Variants in WWOX observed in about 807,000 individuals in gnomAD.
WWOX encodes WW domain-containing oxidoreductase.
In WWOX, 69 loss-of-function variants were observed where a neutral mutation model predicts 46.2. The ratio of observed to expected loss-of-function variants is 1.49; its 90% CI spans 1.23 to 1.82. WWOX has a LOEUF of 1.82. Among genes scored for constraint, WWOX ranks in the 40% most tolerant of loss-of-function variants. The pLI is 0.00. For missense variants in WWOX, 919 were observed against 542.6 expected (o/e 1.69, Z -6.89); for synonymous variants, 359 against 202.6 (o/e 1.77, Z -6.56).
At chr16:78,975,138 G>T (rs1043268997) in intron 8 of WWOX, among the ~76,000 whole-genome samples, 1 of 152,172 alleles carries the variant, frequency 6.6e-6, no homozygotes, top group African/African-American at 2.4e-5. Context: ...AGATACTCCA[G>T]TCCTTAAAAA....
intron 8 of WWOX, among the ~76,000 whole-genome samples, chr16:78,642,020 C>G (rs571500120): frequency 6.6e-5 from 10 of 152,178 alleles, no homozygotes; most frequent in Admixed American, 1.3e-4. Context: ...AGAAGAAAAA[C>G]AGCAACGAGT....
At chr16:78,612,262 G>C (rs117567364) in intron 8 of WWOX, among the ~76,000 whole-genome samples, 3 of 152,194 alleles carry the variant, frequency 2.0e-5, no homozygotes, top group African/African-American at 7.2e-5. Flanking sequence ...TTGAAGGTTT[G>C]TGAAGGATGG....
intron 5 of WWOX, among the ~76,000 whole-genome samples, chr16:78,319,498 G>C (rs542159943): frequency 6.6e-6 from 1 of 152,014 alleles, no homozygotes; most frequent in Non-Finnish European, 1.5e-5. Flanking sequence ...CTGGGCTCAA[G>C]CGGTCCTCCC....
intron 8 of WWOX, among the ~76,000 whole-genome samples, chr16:78,563,556 A>G (rs984716171): frequency 2.7e-5 from 4 of 149,818 alleles, no homozygotes; most frequent in Non-Finnish European, 4.4e-5. Flanking sequence ...TCCTATTGCA[A>G]TAGAACGTAA....
rs56259342 is a variant in WWOX, at chr16:78,275,162, G to A, written c.516+110873G>A. Among the ~76,000 whole-genome samples the A allele has an allele frequency of 7.0e-3, 1,069 of 152,260 alleles. 11 individuals carry two copies. Among genetic ancestry groups the A allele is most frequent in the South Asian group, 0.046 (221 of 4,826 alleles). ...AAGATGTAATTATAAGATCTAAAAC[G>A]TGGAGGGGGGTGGTGAATTCAGCCT... On this transcript the variant is annotated intron_variant, in intron 5 of 8. Coordinates refer to ENST00000566780, the MANE Select transcript of WWOX (RefSeq NM_016373.4).
chr16:78,583,206 G>C (rs954846495), intron 8 of WWOX, among the ~76,000 whole-genome samples: 1 of 152,200 alleles, frequency 6.6e-6, no homozygotes, highest in African/African-American at 2.4e-5. Flanking sequence ...AACTCAGGAG[G>C]CTGCTCTATC....
intron 8 of WWOX, among the ~76,000 whole-genome samples, chr16:79,127,601 C>A (rs1263916815): frequency 6.6e-6 from 1 of 152,176 alleles, no homozygotes; most frequent in Non-Finnish European, 1.5e-5. Flanking sequence ...TTCCCACGTG[C>A]ATGCATGTAT....
intron 8 of WWOX, among the ~76,000 whole-genome samples, chr16:78,965,012 A>T (rs776379672): frequency 6.6e-6 from 1 of 152,202 alleles, no homozygotes; most frequent in Non-Finnish European, 1.5e-5. Flanking sequence ...CAGAAAATAT[A>T]TGGAAACACC....
At chr16:78,922,636 C>T (rs376298849) in intron 8 of WWOX, among the ~76,000 whole-genome samples, 26 of 152,300 alleles carry the variant, frequency 1.7e-4, no homozygotes, top group African/African-American at 5.3e-4. Flanking sequence ...ACCTTGGCCT[C>T]CCAAAGTGCT....
chr16:78,248,155 G>T (rs1279114428), intron 5 of WWOX, among the ~76,000 whole-genome samples: 1 of 152,180 alleles, frequency 6.6e-6, no homozygotes, highest in Non-Finnish European at 1.5e-5. Flanking sequence ...TTGGCTCACA[G>T]TTCCACAGGC....
At chr16:78,368,139 T>C (rs1460890101) in intron 5 of WWOX, among the ~76,000 whole-genome samples, 1 of 152,242 alleles carries the variant, frequency 6.6e-6, no homozygotes, top group Non-Finnish European at 1.5e-5. Flanking sequence ...GAAGTAATTA[T>C]GTCAACTTTG....
At position 78,554,238 on chromosome 16, in the gene WWOX, G is replaced by A. The variant is rs375579821; in HGVS notation, c.1056+121486G>A. Among the ~76,000 whole-genome samples the A allele has an allele frequency of 2.2e-3, 333 of 152,250 alleles. 13 individuals carry two copies. In the South Asian group the frequency reaches 0.066, roughly 30 times the overall value. ...CAGATGCATGTGGACATGATGGAAAGGGAAGAGAAGAACTGTCAAGATTTT... is the reference window on the plus strand; with the variant it reads ...CAGATGCATGTGGACATGATGGAAAAGGAAGAGAAGAACTGTCAAGATTTT... On this transcript the variant is annotated intron_variant, in intron 8 of 8. Transcript: ENST00000566780.
chr16:78,649,581 C>T (rs1406679738), intron 8 of WWOX, among the ~76,000 whole-genome samples: 1 of 152,174 alleles, frequency 6.6e-6, no homozygotes, highest in Non-Finnish European at 1.5e-5. Flanking sequence ...CAGGCTCTTC[C>T]CCCGTTTGTT....
chr16:78,980,477 G>C (rs1274230630), intron 8 of WWOX, among the ~76,000 whole-genome samples: 1 of 152,166 alleles, frequency 6.6e-6, no homozygotes, highest in African/African-American at 2.4e-5. Context: ...ACAATTAATT[G>C]TGCCGCAGTT....
At chr16:78,677,252 C>G (rs954768193) in intron 8 of WWOX, among the ~76,000 whole-genome samples, 1 of 152,154 alleles carries the variant, frequency 6.6e-6, no homozygotes, top group Non-Finnish European at 1.5e-5. Context: ...AGGGGTCAGG[C>G]AGCTGTTTGA....
intron 8 of WWOX, among the ~76,000 whole-genome samples, chr16:78,645,679 A>G (rs554083109): frequency 2.6e-5 from 4 of 152,230 alleles, no homozygotes; most frequent in South Asian, 4.2e-4. Flanking sequence ...GAGGGAGAAC[A>G]TTAATCTAGC....
At chr16:78,763,628 C>G (rs140136735) in intron 8 of WWOX, among the ~76,000 whole-genome samples, 1 of 152,306 alleles carries the variant, frequency 6.6e-6, no homozygotes, top group East Asian at 1.9e-4. Flanking sequence ...CTGTCCTGGT[C>G]ACCACTGTAT....
chr16:78,213,576 C>T lies in WWOX; in HGVS notation c.516+49287C>T, dbSNP rs964764659. The stretch of plus-strand genomic sequence containing the variant: ...TAATGTGACTGAGAAAATAATTGGT[C>T]AGATATTGCAGGATTTTTGTGGGGG... On this transcript the variant is annotated intron_variant, in intron 5 of 8. Transcript: ENST00000566780. 4.0e-5 allele frequency among the ~76,000 whole-genome samples: 6 copies of T among 151,718 alleles called. No homozygotes were observed. In the East Asian group the frequency reaches 9.7e-4, roughly 25 times the overall value.
At chr16:78,378,946 C>T (rs4888800) in intron 5 of WWOX, among the ~76,000 whole-genome samples, 71,923 of 151,980 alleles carry the variant, frequency 0.47, 18,943 homozygotes, top group Non-Finnish European at 0.61. Flanking sequence ...AAGAATATGA[C>T]GACAGGGGAA....
Sources: allele counts gnomAD v4.1 joint callset (sites outside exome capture counted in the v4.1 genomes callset), GRCh38; gene constraint gnomAD v4.1.1; transcripts MANE v1.5; gene names NCBI Gene and HGNC (gene_info 2026-07-23, HGNC 2026-07-21).